The following TFCP2 variants were observed in gnomAD, a reference collection of about 807,000 sequenced individuals.
TFCP2 encodes alpha-globin transcription factor CP2.
In TFCP2, 33 loss-of-function variants were observed where a neutral mutation model predicts 73.4. That is an observed-to-expected ratio of 0.45 (90% confidence interval 0.34 to 0.60). The LOEUF is 0.60. TFCP2 is among the 20% of genes least tolerant of loss of function. TFCP2 has a pLI of 0.01. For missense variants in TFCP2, 352 were observed against 604.0 expected (o/e 0.58, Z 4.37); for synonymous variants, 193 against 211.6 (o/e 0.91, Z 0.76).
intron 1 of TFCP2, among the ~76,000 whole-genome samples, chr12:51,164,666 A>G (rs1477429098): frequency 6.6e-6 from 1 of 151,976 alleles, no homozygotes; most frequent in Non-Finnish European, 1.5e-5. Context: ...AAGAAGATGA[A>G]ATGAAAATAA....
chr12:51,099,025 T>C, intron 12 of TFCP2, 107 bp from the exon 13 acceptor site: 1 of 1,238,674 alleles, frequency 8.1e-7, no homozygotes, highest in Non-Finnish European at 1.1e-6. Context: ...GAAATCACAC[T>C]GCCTAAGTTC....
chr12:51,109,411 A>G, intron 5 of TFCP2, 138 bp from the exon 6 acceptor site: 1 of 794,064 alleles, frequency 1.3e-6, no homozygotes, highest in Non-Finnish European at 2.0e-6. Context: ...CCTCTTTTTG[A>G]TCTTGAAGAA....
At chr12:51,103,945 A>G (rs2136964658) in intron 9 of TFCP2, 182 bp from the exon 10 acceptor site, 3 of 698,044 alleles carry the variant, frequency 4.3e-6, no homozygotes, top group Non-Finnish European at 7.4e-6. Context: ...CCACTAGACT[A>G]TAAGCTGCTC....
At chr12:51,126,007 G>A (rs1052309997) in intron 1 of TFCP2, among the ~76,000 whole-genome samples, 11 of 152,060 alleles carry the variant, frequency 7.2e-5, no homozygotes, top group African/African-American at 2.4e-4. Flanking sequence ...GAGGCAGGTG[G>A]ATCACGAGGT....
At chr12:51,145,200 C>CAA (rs55642619) in intron 1 of TFCP2, among the ~76,000 whole-genome samples, 1 of 110,058 alleles carries the variant, frequency 9.1e-6, no homozygotes, top group Non-Finnish European at 1.8e-5. Flanking sequence ...GACTTCATCT[C>CAA]AAAAAAAAAA....
intron 4 of TFCP2, among the ~76,000 whole-genome samples, chr12:51,112,881 A>AG (rs1445335200): frequency 6.6e-6 from 1 of 151,884 alleles, no homozygotes; most frequent in African/African-American, 2.4e-5. Context: ...AAAAAAAAAA[A>AG]AAGATGGTTG....
intron 1 of TFCP2, among the ~76,000 whole-genome samples, chr12:51,161,760 C>CAAAAA (rs60679909): frequency 1.2e-3 from 92 of 76,188 alleles, no homozygotes; most frequent in Admixed American, 2.5e-3. Context: ...GACTCCATAT[C>CAAAAA]AAAAAAAAAA....
At chr12:51,115,415 C>T (rs368853877) in intron 4 of TFCP2, among the ~76,000 whole-genome samples, 4 of 151,978 alleles carry the variant, frequency 2.6e-5, no homozygotes, top group East Asian at 1.9e-4. Flanking sequence ...CCATCGCGCC[C>T]GGCCGAAATT....
intron 1 of TFCP2, among the ~76,000 whole-genome samples, chr12:51,166,067 C>A (rs1187124632): frequency 3.3e-5 from 5 of 151,450 alleles, no homozygotes; most frequent in African/African-American, 4.9e-5. Flanking sequence ...GTAATCCCAG[C>A]ACTTTGGGAG....
At chr12:51,156,343 A>AGG (rs66703823) in intron 1 of TFCP2, among the ~76,000 whole-genome samples, 78 of 150,212 alleles carry the variant, frequency 5.2e-4, no homozygotes, top group East Asian at 1.2e-3. Context: ...AGAGGAAGCA[A>AGG]GGGGGGGGGA....
chr12:51,098,269 ATTTAAACT>A (rs368784922), intron 13 of TFCP2, among the ~76,000 whole-genome samples: 140 of 152,318 alleles, frequency 9.2e-4, no homozygotes, highest in South Asian at 5.8e-3. Context: ...TTTTACAACT[ATTTAAACT>A]TTAACAAAAA....
At chr12:51,118,857 T>G (rs200530796) in intron 1 of TFCP2, 85 bp from the exon 2 acceptor site, 1 of 1,257,712 alleles carries the variant, frequency 8.0e-7, no homozygotes, top group Non-Finnish European at 1.1e-6. Flanking sequence ...TGCAATGCTT[T>G]GGAAAGCCAT....
intron 8 of TFCP2, among the ~76,000 whole-genome samples, 156 bp from the exon 9 acceptor site, chr12:51,104,359 T>C (rs1198287186): frequency 6.6e-6 from 1 of 152,196 alleles, no homozygotes; most frequent in Non-Finnish European, 1.5e-5. Flanking sequence ...ATACTTTAAT[T>C]TTCTATTAGT....
At chr12:51,128,354 A>T (rs1208618727) in intron 1 of TFCP2, among the ~76,000 whole-genome samples, 1 of 152,146 alleles carries the variant, frequency 6.6e-6, no homozygotes, top group Non-Finnish European at 1.5e-5. Context: ...TAGTATTGGC[A>T]TTAGGAGATA....
intron 1 of TFCP2, among the ~76,000 whole-genome samples, chr12:51,130,345 G>A (rs1003032372): frequency 4.0e-5 from 6 of 151,560 alleles, no homozygotes; most frequent in East Asian, 2.0e-4. Context: ...AGTGGTGTGC[G>A]TCTGTGATCT....
intron 1 of TFCP2, among the ~76,000 whole-genome samples, chr12:51,160,747 G>A (rs899625778): frequency 6.6e-6 from 1 of 152,196 alleles, no homozygotes; most frequent in Admixed American, 6.5e-5. Context: ...AACACTTGCA[G>A]TGTCCAGAAG....
rs749035046 is a variant in TFCP2, at chr12:51,118,821, G to A, written c.123-49C>T. 33 of 1,594,508 alleles carry A rather than the reference G, an allele frequency of 2.1e-5. No homozygotes were observed. In the South Asian group the frequency reaches 2.8e-4, roughly 13 times the overall value. ...ATTAATACCTGGCAATGGTGCAAAC[G>A]CAGGTTTATTGCTGAATGATTTAAC... is the stretch of plus-strand genomic sequence containing the variant. On this transcript the variant is annotated intron_variant, in intron 1 of 14. Coordinates refer to ENST00000257915, the MANE Select transcript of TFCP2 (RefSeq NM_005653.5).
At chr12:51,113,688 T>G (rs963312434) in intron 4 of TFCP2, among the ~76,000 whole-genome samples, 1 of 152,174 alleles carries the variant, frequency 6.6e-6, no homozygotes, top group Admixed American at 6.6e-5. Context: ...TAGTGAGGTA[T>G]AGGCATAAAG....
At chr12:51,121,773 T>G (rs1176490716) in intron 1 of TFCP2, among the ~76,000 whole-genome samples, 2 of 151,968 alleles carry the variant, frequency 1.3e-5, no homozygotes, top group East Asian at 1.9e-4. Context: ...GCCCAATGAT[T>G]CTTGTTAACA....
Sources: allele counts gnomAD v4.1 joint callset (sites outside exome capture counted in the v4.1 genomes callset), GRCh38; gene constraint gnomAD v4.1.1; transcripts MANE v1.5; gene names NCBI Gene and HGNC (gene_info 2026-07-23, HGNC 2026-07-21).